Variants in CCDC66 observed in about 807,000 individuals in gnomAD.
The protein encoded by CCDC66 is coiled-coil domain containing 66.
A neutral mutation model predicts 128.3 loss-of-function variants in CCDC66; 133 were observed. The ratio of observed to expected loss-of-function variants is 1.04; its 90% confidence interval spans 0.90 to 1.20. The LOEUF (loss-of-function observed/expected upper bound fraction) is 1.20. CCDC66 is among the 50% of genes most tolerant of loss of function. The probability of loss-of-function intolerance (pLI) is 0.00; values close to 1 mark genes in which losing one functional copy is unlikely to be tolerated. For missense variants in CCDC66, 1,126 were observed against 1,075.5 expected (o/e 1.05, Z -0.66); for synonymous variants, 387 against 357.0 (o/e 1.08, Z -0.95).
intron 10 of CCDC66, among the ~76,000 whole-genome samples, chr3:56,599,003 C>A (rs544181818): frequency 6.6e-6 from 1 of 152,038 alleles, no homozygotes; most frequent in Non-Finnish European, 1.5e-5. Context: ...TTGGTTAGTT[C>A]TTTGATAGTT....
At chr3:56,566,058 G>A (rs530252040) in intron 4 of CCDC66, among the ~76,000 whole-genome samples, 2 of 152,222 alleles carry the variant, frequency 1.3e-5, no homozygotes, top group South Asian at 4.1e-4. Flanking sequence ...ATAAGAAATT[G>A]TATGGCTATG....
chr3:56,559,721 A>G, intron 3 of CCDC66, 127 bp downstream of exon 3: 1 of 666,404 alleles, frequency 1.5e-6, no homozygotes, highest in Non-Finnish European at 2.4e-6. Context: ...GTGAGGAGTT[A>G]TTATTTTCTT....
intron 7 of CCDC66, among the ~76,000 whole-genome samples, chr3:56,587,354 A>T (rs918911454): frequency 1.4e-4 from 21 of 151,904 alleles, no homozygotes; most frequent in African/African-American, 4.8e-4. Flanking sequence ...TGGGTAATTT[A>T]TAAAGAGGTT....
intron 10 of CCDC66, among the ~76,000 whole-genome samples, chr3:56,595,398 C>A (rs1461964630): frequency 6.6e-6 from 1 of 152,194 alleles, no homozygotes. Flanking sequence ...CACTACCACC[C>A]TCACACACAC....
chr3:56,562,927 A>G (rs927889934), intron 3 of CCDC66, among the ~76,000 whole-genome samples: 1 of 151,870 alleles, frequency 6.6e-6, no homozygotes, highest in South Asian at 2.1e-4. Context: ...GATTACAGGC[A>G]TGAGCCATTG....
intron 7 of CCDC66, among the ~76,000 whole-genome samples, chr3:56,582,003 G>A (rs1411433811): frequency 3.3e-5 from 5 of 151,928 alleles, no homozygotes; most frequent in Non-Finnish European, 5.9e-5. Flanking sequence ...GCTATGCCCT[G>A]CCCCCAGAGG....
At chr3:56,581,738 A>G (rs928715937) in intron 7 of CCDC66, among the ~76,000 whole-genome samples, 2 of 151,854 alleles carry the variant, frequency 1.3e-5, no homozygotes, top group African/African-American at 4.8e-5. Context: ...CAGATATTGC[A>G]GAACAGCAAA....
chr3:56,566,531 A>G (rs1313869003), intron 4 of CCDC66, 63 bp from the exon 5 acceptor site: 1 of 1,089,272 alleles, frequency 9.2e-7, no homozygotes, highest in Non-Finnish European at 1.4e-6. Flanking sequence ...GTATAGCACT[A>G]TGCCAAGTAT....
intron 13 of CCDC66, 135 bp downstream of exon 13, chr3:56,616,188 GA>G: frequency 2.8e-6 from 2 of 719,382 alleles, no homozygotes; most frequent in Admixed American, 2.9e-5. Context: ...AAAATAAAGG[GA>G]TAACAGCTTT....
intron 7 of CCDC66, among the ~76,000 whole-genome samples, chr3:56,579,232 T>A (rs1479569344): frequency 6.6e-6 from 1 of 151,886 alleles, no homozygotes; most frequent in Non-Finnish European, 1.5e-5. Flanking sequence ...TAGTTTGTAT[T>A]TCTGTGGGAT....
intron 10 of CCDC66, among the ~76,000 whole-genome samples, chr3:56,595,428 C>T (rs538814816): frequency 1.3e-5 from 2 of 152,298 alleles, no homozygotes; most frequent in African/African-American, 4.8e-5. Flanking sequence ...CCTTTGATAC[C>T]TATCATTCCA....
At chr3:56,616,744 ACC>A (rs1393404731) in intron 13 of CCDC66, 6 of 176,972 alleles carry the variant, frequency 3.4e-5, no homozygotes, top group Admixed American at 1.2e-4. Context: ...AAGCAGTGGT[ACC>A]ATTTTACATT....
intron 7 of CCDC66, among the ~76,000 whole-genome samples, chr3:56,591,637 G>T (rs1051054992): frequency 6.6e-5 from 10 of 152,188 alleles, no homozygotes; most frequent in African/African-American, 2.2e-4. Context: ...ATTTCTTGAG[G>T]TATAAAAATT....
chr3:56,583,783 A>G (rs2068860589), intron 7 of CCDC66, among the ~76,000 whole-genome samples: 1 of 151,982 alleles, frequency 6.6e-6, no homozygotes, highest in Admixed American at 6.6e-5. Flanking sequence ...CGCCATCGTC[A>G]TCATGGCCCG....
chr3:56,589,085 G>A (rs2070366588), intron 7 of CCDC66, among the ~76,000 whole-genome samples: 1 of 152,082 alleles, frequency 6.6e-6, no homozygotes, highest in Non-Finnish European at 1.5e-5. Flanking sequence ...AAATTGATAA[G>A]CCCCTCATAA....
At chr3:56,558,806 T>G in intron 1 of CCDC66, 40 bp from the exon 2 acceptor site, 1 of 1,348,970 alleles carries the variant, frequency 7.4e-7, no homozygotes, top group Non-Finnish European at 1.0e-6. Flanking sequence ...AATGTTGCGG[T>G]TTGTTAAAAA....
intron 15 of CCDC66, 158 bp from the exon 16 acceptor site, chr3:56,619,113 G>A (rs971711355): frequency 3.6e-5 from 21 of 579,012 alleles, no homozygotes; most frequent in Admixed American, 1.4e-4. Context: ...AGCTACTTGG[G>A]AGGCTGAAGC....
At position 56,593,196 on chromosome 3, in the gene CCDC66, C is replaced by T. The variant is rs2071254102; in HGVS notation, c.1068+95C>T. 8.8e-6 allele frequency: 9 copies of T among 1,028,472 alleles called. No homozygotes were observed. The East Asian group carries it at 1.3e-4, about 15-fold the overall frequency. The allele number at this position is 1,028,472 out of a possible 1,614,324, so 63.7% of individuals were successfully genotyped here. A position where few individuals can be genotyped will look rare whatever the true frequency, so the allele number is the denominator to read the frequency against. On this transcript the variant is annotated intron_variant, in intron 8 of 17. Transcript: ENST00000394672. ...AGTATTCTGAAACTCTTGACAAGAC[C>T]AGAATATTCCATTTATTCCACATTT...
intron 13 of CCDC66, 21 bp downstream of exon 13, chr3:56,616,074 G>A: frequency 6.4e-7 from 1 of 1,568,344 alleles, no homozygotes; most frequent in Non-Finnish European, 8.6e-7. Flanking sequence ...GGAAATTGTG[G>A]TTTGGTTTAA....
Sources: gnomAD v4.1 joint callset for allele counts (sites outside exome capture counted in the v4.1 genomes callset) on GRCh38, gnomAD v4.1.1 for gene constraint, MANE v1.5 for transcripts, NCBI Gene and HGNC (gene_info 2026-07-23, HGNC 2026-07-21) for gene names.